Variants in SPSB1 observed in about 807,000 individuals in gnomAD.
SPSB1 encodes the protein SPRY domain-containing SOCS box protein 1.
In SPSB1, 8 loss-of-function variants were observed where a neutral mutation model predicts 21.2. That is an observed-to-expected ratio of 0.38 (90% CI 0.22 to 0.68). The LOEUF (loss-of-function observed/expected upper bound fraction) is 0.68, where lower values mean the gene tolerates loss of function less well. Among genes scored for constraint, SPSB1 ranks in the 30% least tolerant of loss-of-function variants. SPSB1 has a pLI of 0.53. For synonymous variants in SPSB1, 169 were observed against 161.7 expected (o/e 1.05, Z -0.34); for missense variants, 242 against 377.8 (o/e 0.64, Z 2.98).
chr1:9,355,378 A>G (rs1344391882), intron 1 of SPSB1, among the ~76,000 whole-genome samples: 1 of 152,212 alleles, frequency 6.6e-6, no homozygotes, highest in Non-Finnish European at 1.5e-5. Flanking sequence ...GCAAATGCCC[A>G]CTGTCATGGC....
At position 9,367,712 on chromosome 1, in the gene SPSB1, T is replaced by A; in HGVS notation, c.*137T>A. 2 of 1,338,734 alleles carry A rather than the reference T, an allele frequency of 1.5e-6. No individual in the cohort carries two copies. The highest frequency in any genetic ancestry group is 2.0e-6 in the Non-Finnish European group (2 of 1,008,718). The allele number at this position is 1,338,734 out of a possible 1,614,324, so 82.9% of individuals were successfully genotyped here. A position where few individuals can be genotyped will look rare whatever the true frequency, so the allele number is the denominator to read the frequency against. On this transcript the variant is annotated 3_prime_UTR_variant, in exon 3 of 3. Coordinates refer to ENST00000328089, the MANE Select transcript of SPSB1 (RefSeq NM_025106.4). The surrounding 1 kb of genome is among the most constrained non-coding windows in gnomAD (Gnocchi z 5.9). ...AGAGGTCCCTGGTCTTCCCTCATCC[T>A]CCGTGGCTGCCTCCATGGGACAAGG...
At position 9,309,295 on chromosome 1, in the gene SPSB1, AGAGAGAGTGT is replaced by A. The variant is rs1277175612; in HGVS notation, c.-150+16226_-150+16235del. ...GAGAGAGAGAGTGTGAGAGAGAGAGAGAGAGAGTGTGTGTGTGTGTGTGTGTGTGTGTGTG... is the reference window on the plus strand; with the variant it reads ...GAGAGAGAGAGTGTGAGAGAGAGAGAGTGTGTGTGTGTGTGTGTGTGTGTG... On this transcript the variant is annotated intron_variant, in intron 1 of 2. Transcript: ENST00000328089. Among the ~76,000 whole-genome samples, 23 of 113,506 alleles carry A rather than the reference AGAGAGAGTGT, an allele frequency of 2.0e-4. No individual in the cohort carries two copies. The East Asian group carries it at 4.7e-3, about 23-fold the overall frequency. The allele number at this position is 113,506 out of a possible 152,430, so 74.5% of individuals were successfully genotyped here.
intron 1 of SPSB1, among the ~76,000 whole-genome samples, chr1:9,338,264 G>A (rs572197234): frequency 8.5e-5 from 13 of 152,306 alleles, no homozygotes; most frequent in South Asian, 4.1e-4. Flanking sequence ...GGCCCTGGCC[G>A]TGGGCTCCCC....
intron 1 of SPSB1, among the ~76,000 whole-genome samples, chr1:9,354,282 C>T (rs763402027): frequency 2.0e-5 from 3 of 152,146 alleles, no homozygotes; most frequent in Non-Finnish European, 2.9e-5. Context: ...TAGTAACAAG[C>T]GACCCAGCGT....
chr1:9,295,357 G>A (rs983218214), intron 1 of SPSB1, among the ~76,000 whole-genome samples: 3 of 152,158 alleles, frequency 2.0e-5, no homozygotes, highest in African/African-American at 7.2e-5. Flanking sequence ...TAGCATGTTG[G>A]CCCCAGTGGC....
rs1639629155 is a variant in SPSB1 at position 9,317,139 on chromosome 1, G to A, written c.-150+24068G>A. Among the ~76,000 whole-genome samples, 1 of 152,196 alleles carries A rather than the reference G, an allele frequency of 6.6e-6. No homozygotes were observed. Among genetic ancestry groups the A allele is most frequent in the Admixed American group, 6.5e-5 (1 of 15,288 alleles). On this transcript the variant is annotated intron_variant, in intron 1 of 2. Coordinates refer to ENST00000328089, the MANE Select transcript of SPSB1 (RefSeq NM_025106.4). The surrounding 1 kb of genome is among the most constrained non-coding windows in gnomAD (Gnocchi z 4.3). Reference sequence around the variant, plus strand: ...TTATACTAGGCAGAGGGTGAGAAAGGTGCTTAGAGGCCAGCAAGGTTCTGG... The same window carrying A: ...TTATACTAGGCAGAGGGTGAGAAAGATGCTTAGAGGCCAGCAAGGTTCTGG...
rs1640624621 is a variant in SPSB1, at chr1:9,369,253, T to G, written c.*1678T>G. The G allele has an allele frequency of 6.6e-6, 1 of 152,252 alleles. No homozygotes were observed. Among genetic ancestry groups the G allele is most frequent in the African/African-American group, 2.4e-5 (1 of 41,356 alleles). The allele number at this position is 152,252 out of a possible 1,614,324, so 9.4% of individuals were successfully genotyped here. The stretch of plus-strand genomic sequence containing the variant: ...CCTTACCTGTAAGACTTTTAAAGAT[T>G]TTCCTCCCTCCTGTTTCAGGTGGGT... On this transcript the variant is annotated 3_prime_UTR_variant, in exon 3 of 3. Transcript: ENST00000328089.
rs898766211 is a variant in SPSB1, at chr1:9,348,008, G to A, written c.-149-7735G>A. Among the ~76,000 whole-genome samples, 10 of 148,374 alleles carry A rather than the reference G, an allele frequency of 6.7e-5. No individual in the cohort carries two copies. The highest frequency in any genetic ancestry group is 1.2e-4 in the Non-Finnish European group (8 of 67,630). ...CGCCCAGGTTCGAGTGCAGTGGTGCGATCTCGGCTCACTGCAACCTCCGCC... is the reference window on the plus strand; with the variant it reads ...CGCCCAGGTTCGAGTGCAGTGGTGCAATCTCGGCTCACTGCAACCTCCGCC... On this transcript the variant is annotated intron_variant, in intron 1 of 2. Transcript: ENST00000328089. This position sits in a 1 kb window ranked among gnomAD's most constrained non-coding sequence, Gnocchi z 4.8.
intron 1 of SPSB1, among the ~76,000 whole-genome samples, chr1:9,341,782 A>T (rs905279254): frequency 6.6e-6 from 1 of 151,724 alleles, no homozygotes; most frequent in East Asian, 1.9e-4. Context: ...GTCTCACCGC[A>T]ATCTCCACCT....
chr1:9,346,218 T>C lies in SPSB1; in HGVS notation c.-149-9525T>C, dbSNP rs1178405594. On this transcript the variant is annotated intron_variant, in intron 1 of 2. Coordinates refer to ENST00000328089, the MANE Select transcript of SPSB1 (RefSeq NM_025106.4). The surrounding 1 kb of genome is among the most constrained non-coding windows in gnomAD (Gnocchi z 4.4). The stretch of plus-strand genomic sequence containing the variant: ...GGGCGGCAGAGGGAGGGAACTTACG[T>C]GATCTTCAGGTGAAAGGAGGCTTTA... Among the ~76,000 whole-genome samples the C allele has an allele frequency of 1.3e-5, 2 of 152,246 alleles. No individual in the cohort carries two copies. Among genetic ancestry groups the C allele is most frequent in the Non-Finnish European group, 2.9e-5 (2 of 68,042 alleles).
At chr1:9,359,330 G>A (rs548679810) in intron 2 of SPSB1, among the ~76,000 whole-genome samples, 10 of 152,332 alleles carry the variant, frequency 6.6e-5, no homozygotes, top group East Asian at 3.9e-4. Context: ...GGTGAGGCGC[G>A]GGTGTTAGCG....
intron 1 of SPSB1, among the ~76,000 whole-genome samples, chr1:9,302,351 G>T (rs1255900007): frequency 6.6e-6 from 1 of 152,216 alleles, no homozygotes; most frequent in Admixed American, 6.5e-5. Context: ...TGACAGGGAA[G>T]CCCAGTGGTT....
intron 1 of SPSB1, among the ~76,000 whole-genome samples, chr1:9,344,399 C>T (rs183629307): frequency 8.5e-5 from 13 of 152,310 alleles, no homozygotes; most frequent in Admixed American, 2.6e-4. Flanking sequence ...CTTTCCTCAC[C>T]GCCAGACAGA....
intron 1 of SPSB1, among the ~76,000 whole-genome samples, chr1:9,326,725 G>T (rs773785036): frequency 1.1e-4 from 16 of 152,200 alleles, no homozygotes; most frequent in Non-Finnish European, 2.2e-4. Context: ...ATCATCAGCC[G>T]TCTTCCCTCC....
chr1:9,323,971 G>A (rs986804502), intron 1 of SPSB1, among the ~76,000 whole-genome samples: 1 of 152,178 alleles, frequency 6.6e-6, no homozygotes, highest in Non-Finnish European at 1.5e-5. Context: ...GTGCAGACCC[G>A]GAGGAGGTGG....
intron 1 of SPSB1, among the ~76,000 whole-genome samples, chr1:9,347,418 AT>A (rs35124523): frequency 0.23 from 35,587 of 152,140 alleles, 5,071 homozygotes; most frequent in African/African-American, 0.4. Context: ...GAATACATGC[AT>A]TTTAAAAAAT....
intron 1 of SPSB1, among the ~76,000 whole-genome samples, chr1:9,323,684 G>A (rs75478423): frequency 6.6e-6 from 1 of 152,210 alleles, no homozygotes; most frequent in East Asian, 1.9e-4. Context: ...TCCAGGCACC[G>A]AGAGCCCATG....
Position 9,317,227 on chromosome 1 carries a change from G to T in SPSB1, c.-150+24156G>T, listed in dbSNP as rs1352732723. On this transcript the variant is annotated intron_variant, in intron 1 of 2. Transcript: ENST00000328089. The surrounding 1 kb of genome is among the most constrained non-coding windows in gnomAD (Gnocchi z 4.3). ...GGGAAGGCTTCCTGGAGGAGGTGAT[G>T]CTGAAACTGGGCCTTGGGATGTGTA... is the stretch of plus-strand genomic sequence containing the variant. Among the ~76,000 whole-genome samples the T allele has an allele frequency of 3.9e-5, 6 of 152,194 alleles. No homozygotes were observed. The highest frequency in any genetic ancestry group is 5.9e-5 in the Non-Finnish European group (4 of 68,034).
intron 1 of SPSB1, among the ~76,000 whole-genome samples, chr1:9,297,970 C>T (rs1395586489): frequency 6.6e-6 from 1 of 152,208 alleles, no homozygotes; most frequent in Non-Finnish European, 1.5e-5. Context: ...GTGGGAGCCG[C>T]AGTCACTCAA....
Sources: allele counts gnomAD v4.1 joint callset (sites outside exome capture counted in the v4.1 genomes callset), GRCh38; gene constraint gnomAD v4.1.1; non-coding constraint Gnocchi (gnomAD v3.1); transcripts MANE v1.5; gene names NCBI Gene and HGNC (gene_info 2026-07-23, HGNC 2026-07-21).